Variants in UACA observed in about 807,000 individuals in gnomAD.
UACA encodes uveal autoantigen with coiled-coil domains and ankyrin repeats, also known as nuclear membrane binding protein.
A neutral mutation model predicts 160.5 loss-of-function variants in UACA; 112 were observed. The observed-to-expected ratio is 0.70, with a 90% CI of 0.60 to 0.82. The LOEUF is 0.82. Among genes scored for constraint, UACA ranks in the 40% least tolerant of loss-of-function variants. The pLI is 0.00. For missense variants in UACA, 1,574 were observed against 1,614.6 expected (o/e 0.97, Z 0.43); for synonymous variants, 557 against 568.4 (o/e 0.98, Z 0.29).
intron 18 of UACA, 150 bp downstream of exon 18, chr15:70,660,001 A>G (rs1896645785): frequency 1.6e-6 from 1 of 639,364 alleles, no homozygotes; most frequent in Admixed American, 3.5e-5. Flanking sequence ...AGATCCACAA[A>G]CAATGATTAA....
chr15:70,657,581 C>T (rs947805912), intron 18 of UACA, among the ~76,000 whole-genome samples: 8 of 152,030 alleles, frequency 5.3e-5, no homozygotes, highest in African/African-American at 9.7e-5. Context: ...GGTGACATGG[C>T]GAGACCCCAT....
intron 9 of UACA, chr15:70,679,938 C>T (rs1392995235): frequency 5.5e-6 from 1 of 183,400 alleles, no homozygotes; most frequent in Non-Finnish European, 1.1e-5. Flanking sequence ...TTTATTTTAA[C>T]TAAAGTCACA....
intron 1 of UACA, among the ~76,000 whole-genome samples, chr15:70,708,536 C>A (rs1490984266): frequency 6.6e-6 from 1 of 151,448 alleles, no homozygotes; most frequent in African/African-American, 2.4e-5. Context: ...TATCAGCTCA[C>A]TGCAGCCTGC....
At chr15:70,662,672 C>A (rs1317223855) in intron 17 of UACA, among the ~76,000 whole-genome samples, 4 of 152,080 alleles carry the variant, frequency 2.6e-5, no homozygotes, top group Non-Finnish European at 5.9e-5. Flanking sequence ...AGATACAGAC[C>A]AATGGAACAG....
intron 1 of UACA, among the ~76,000 whole-genome samples, chr15:70,753,241 T>C (rs1036379379): frequency 2.0e-5 from 3 of 152,168 alleles, no homozygotes; most frequent in Admixed American, 2.0e-4. Flanking sequence ...CACAGAAATA[T>C]GTTCACCCTC....
At chr15:70,657,409 G>A (rs989677780) in intron 18 of UACA, among the ~76,000 whole-genome samples, 3 of 151,362 alleles carry the variant, frequency 2.0e-5, no homozygotes, top group East Asian at 2.0e-4. Flanking sequence ...TCAGGAGTTC[G>A]AGACCAGCCT....
At position 70,679,656 on chromosome 15, in the gene UACA, T is replaced by G. The variant is rs754838700; in HGVS notation, c.843A>C (p.Gln281His). 1.9e-6 allele frequency: 3 copies of G among 1,590,928 alleles called. No homozygotes were observed. In the South Asian group the frequency reaches 3.4e-5, roughly 18 times the overall value. Residue 281 changes from glutamine (Q) to histidine (H), a missense_variant, in exon 10 of 19, where the codon CAA (glutamine) becomes CAC (histidine). By Grantham distance (24) the Gln-to-His change is conservative. Transcript: ENST00000322954. ...SLQQRNLTHM[Q>H]DEVNVKSHQR... ...GATGTGACTTCACATTTACTTCATC[T>G]TGCATGTGTGTCAAATTTCGCTTTG...
At chr15:70,746,619 A>G (rs1375198133) in intron 1 of UACA, among the ~76,000 whole-genome samples, 1 of 152,176 alleles carries the variant, frequency 6.6e-6, no homozygotes, top group East Asian at 1.9e-4. Context: ...TTGACCCATC[A>G]ATCCCATTAC....
In UACA at chr15:70,667,017, C is replaced by T. The variant is rs1193343738; in HGVS notation, c.3667G>A (p.Val1223Ile). The T allele has an allele frequency of 6.2e-7, 1 of 1,613,406 alleles. No individual in the cohort carries two copies. Among genetic ancestry groups the T allele is most frequent in the Non-Finnish European group, 8.5e-7 (1 of 1,179,890 alleles). ...GCTTTATATTTAGACAAGTCAACTA[C>T]CTCTCTAGTCTCTAATTTTTTTAAT... ...QALKKLETRE[V>I]VDLSKYKATK... Residue 1223 changes from valine (V) to isoleucine (I), a missense_variant, in exon 16 of 19, where the codon GTA (valine) becomes ATA (isoleucine). Coordinates refer to ENST00000322954, the MANE Select transcript of UACA (RefSeq NM_018003.4).
intron 17 of UACA, among the ~76,000 whole-genome samples, chr15:70,663,791 T>C (rs185619341): frequency 1.3e-4 from 19 of 146,282 alleles, no homozygotes; most frequent in African/African-American, 4.3e-4. Context: ...ACACTGCATG[T>C]TCTCACTCAT....
intron 5 of UACA, among the ~76,000 whole-genome samples, chr15:70,689,327 T>C (rs74021834): frequency 0.015 from 2,360 of 152,294 alleles, 61 homozygotes; most frequent in African/African-American, 0.053. Context: ...TTAGTTTCCA[T>C]CCTAGCTAAT....
chr15:70,678,251 G>C (rs754754567), intron 10 of UACA, 45 bp from the exon 11 acceptor site: 2 of 1,450,244 alleles, frequency 1.4e-6, no homozygotes, highest in Non-Finnish European at 1.9e-6. Context: ...TCTTAAAAGA[G>C]CAAATTCTTA....
chr15:70,706,766 A>G (rs1898535266), intron 1 of UACA, among the ~76,000 whole-genome samples: 1 of 152,190 alleles, frequency 6.6e-6, no homozygotes, highest in Admixed American at 6.5e-5. Flanking sequence ...TTTGTACACT[A>G]AAAATGACAA....
intron 1 of UACA, among the ~76,000 whole-genome samples, chr15:70,754,793 TG>T (rs2030316471): frequency 6.6e-6 from 1 of 152,238 alleles, no homozygotes; most frequent in Non-Finnish European, 1.5e-5. Context: ...TCTTGTGTTT[TG>T]GGGCTACATT....
intron 1 of UACA, among the ~76,000 whole-genome samples, chr15:70,744,307 G>A (rs1899633934): frequency 6.6e-6 from 1 of 151,286 alleles, no homozygotes; most frequent in Non-Finnish European, 1.5e-5. Context: ...ACCTTAGGCT[G>A]TTGGGTCTCT....
chr15:70,709,251 G>T (rs1439679208), intron 1 of UACA, among the ~76,000 whole-genome samples: 1 of 152,114 alleles, frequency 6.6e-6, no homozygotes, highest in African/African-American at 2.4e-5. Context: ...TCTACAGTCA[G>T]TTATTATGTT....
At chr15:70,739,587 T>C (rs1245437168) in intron 1 of UACA, among the ~76,000 whole-genome samples, 2 of 152,234 alleles carry the variant, frequency 1.3e-5, no homozygotes, top group Non-Finnish European at 2.9e-5. Flanking sequence ...TTTACAGGCA[T>C]GTATGATATA....
intron 1 of UACA, among the ~76,000 whole-genome samples, chr15:70,723,856 TCTC>T (rs373827717): frequency 5.9e-5 from 9 of 152,052 alleles, no homozygotes; most frequent in African/African-American, 2.2e-4. Flanking sequence ...ATGGTCTCGA[TCTC>T]CTGACCTCAT....
In UACA at chr15:70,667,162, T is replaced by C; in HGVS notation, c.3522A>G (p.Glu1174=). The part of the protein sequence containing the change: ...VPLAEHLQIK[E]AFEKEVGIIK... ...TGATTCCAACTTCTTTCTCAAATGC[T>C]TCTTTAATCTGCAAATGCTCTGCCA... Residue 1174 remains glutamate (E), a synonymous_variant, in exon 16 of 19, where the codon GAA becomes GAG. Coordinates refer to ENST00000322954, the MANE Select transcript of UACA (RefSeq NM_018003.4). 6.2e-7 allele frequency: 1 copy of C among 1,613,878 alleles called. No individual in the cohort carries two copies. The highest frequency in any genetic ancestry group is 8.5e-7 in the Non-Finnish European group (1 of 1,179,968).
Sources: allele counts gnomAD v4.1 joint callset (sites outside exome capture counted in the v4.1 genomes callset), GRCh38; gene constraint gnomAD v4.1.1; transcripts MANE v1.5; gene names NCBI Gene and HGNC (gene_info 2026-07-23, HGNC 2026-07-21).